The following FHIT variants were observed in gnomAD, a reference collection of about 807,000 sequenced individuals.
The protein encoded by FHIT is bis(5'-adenosyl)-triphosphatase.
In FHIT, 19 loss-of-function variants were observed where a neutral mutation model predicts 17.9. That is an observed-to-expected ratio of 1.06 (90% confidence interval 0.74 to 1.56). The LOEUF (loss-of-function observed/expected upper bound fraction) is 1.56. Among genes scored for constraint, FHIT ranks in the 40% most tolerant of loss-of-function variants. The pLI is 0.00. For missense variants in FHIT, 248 were observed against 189.2 expected, an observed-to-expected ratio of 1.31 and a Z score of -1.82; for synonymous variants, 81 against 69.7, an observed-to-expected ratio of 1.16 and a Z score of -0.81.
intron 4 of FHIT, among the ~76,000 whole-genome samples, chr3:60,634,366 A>T (rs1553683243): frequency 6.6e-6 from 1 of 152,218 alleles, no homozygotes; most frequent in Non-Finnish European, 1.5e-5. Context: ...TACATAAATT[A>T]GCCAGGAGCA....
intron 3 of FHIT, among the ~76,000 whole-genome samples, chr3:60,994,150 C>T (rs2030481302): frequency 6.6e-6 from 1 of 152,088 alleles, no homozygotes; most frequent in Middle Eastern, 3.2e-3. Context: ...GTTACTTCTT[C>T]CATTGAACTT....
At chr3:60,383,122 G>A (rs1700873394) in intron 5 of FHIT, among the ~76,000 whole-genome samples, 1 of 152,152 alleles carries the variant, frequency 6.6e-6, no homozygotes, top group Admixed American at 6.5e-5. Context: ...ATTGAAAACA[G>A]AGCGACAGAA....
chr3:60,998,835 G>C (rs2030859332), intron 3 of FHIT, among the ~76,000 whole-genome samples: 1 of 151,768 alleles, frequency 6.6e-6, no homozygotes. Context: ...TTTTTAAAAA[G>C]AGAAGGTAGA....
intron 3 of FHIT, among the ~76,000 whole-genome samples, chr3:60,837,135 T>G (rs1702567500): frequency 6.6e-6 from 1 of 152,108 alleles, no homozygotes; most frequent in Admixed American, 6.6e-5. Flanking sequence ...CCCCTGGAAC[T>G]TCTAAGAAGG....
At chr3:61,101,647 G>C (rs1202807774) in intron 2 of FHIT, among the ~76,000 whole-genome samples, 6 of 152,092 alleles carry the variant, frequency 3.9e-5, no homozygotes, top group African/African-American at 1.4e-4. Flanking sequence ...CTTTGGGCAG[G>C]ATGGGCATTT....
intron 5 of FHIT, among the ~76,000 whole-genome samples, chr3:60,156,086 G>C (rs1389770573): frequency 6.6e-6 from 1 of 152,164 alleles, no homozygotes; most frequent in African/African-American, 2.4e-5. Flanking sequence ...GGGTGTGGGG[G>C]CTCATGCCTG....
intron 5 of FHIT, among the ~76,000 whole-genome samples, chr3:60,167,749 T>C (rs1228023879): frequency 1.3e-5 from 2 of 152,176 alleles, no homozygotes; most frequent in Non-Finnish European, 2.9e-5. Context: ...AAATTAAAAT[T>C]TGTGGCAGGG....
At chr3:59,845,909 C>T (rs903429252) in intron 8 of FHIT, among the ~76,000 whole-genome samples, 2 of 152,096 alleles carry the variant, frequency 1.3e-5, no homozygotes, top group East Asian at 1.9e-4. Context: ...CAACTCTGCT[C>T]TGTTTTGGTT....
intron 8 of FHIT, among the ~76,000 whole-genome samples, chr3:59,799,572 G>T (rs563224374): frequency 1.4e-4 from 22 of 152,228 alleles, no homozygotes; most frequent in Admixed American, 5.2e-4. Flanking sequence ...AATAAATTGG[G>T]TAAAGAAATA....
intron 5 of FHIT, among the ~76,000 whole-genome samples, chr3:60,169,690 A>G (rs1701333263): frequency 6.6e-6 from 1 of 152,166 alleles, no homozygotes; most frequent in African/African-American, 2.4e-5. Context: ...AGATTCTTCC[A>G]CATCTTCAGG....
chr3:60,035,952 G>C (rs928220703), intron 5 of FHIT, among the ~76,000 whole-genome samples: 2 of 152,196 alleles, frequency 1.3e-5, no homozygotes, highest in Admixed American at 1.3e-4. Flanking sequence ...TCCATGGTGG[G>C]CCAGCAGATC....
chr3:59,966,334 C>T (rs991843478), intron 7 of FHIT, among the ~76,000 whole-genome samples: 7 of 152,200 alleles, frequency 4.6e-5, no homozygotes, highest in African/African-American at 1.7e-4. Context: ...ACCTGTGCAA[C>T]TCACATATGG....
At chr3:60,052,401 C>CA (rs1701917619) in intron 5 of FHIT, among the ~76,000 whole-genome samples, 2 of 152,076 alleles carry the variant, frequency 1.3e-5, no homozygotes, top group South Asian at 4.1e-4. Flanking sequence ...GAATCTTTGG[C>CA]AAATGTACTT....
intron 3 of FHIT, among the ~76,000 whole-genome samples, chr3:60,899,905 T>G (rs544163417): frequency 6.6e-6 from 1 of 152,020 alleles, no homozygotes; most frequent in Admixed American, 6.5e-5. Context: ...TAAAAGCAAA[T>G]CAAACACAGA....
At chr3:60,337,910 C>G (rs1388387489) in intron 5 of FHIT, among the ~76,000 whole-genome samples, 1 of 152,138 alleles carries the variant, frequency 6.6e-6, no homozygotes, top group Non-Finnish European at 1.5e-5. Context: ...GTATGGGCAC[C>G]GAAGTGTATC....
intron 3 of FHIT, among the ~76,000 whole-genome samples, chr3:60,951,450 C>T (rs1385388040): frequency 6.6e-6 from 1 of 152,164 alleles, no homozygotes; most frequent in East Asian, 1.9e-4. Flanking sequence ...AACAATAAGG[C>T]AGCCCATGAC....
At chr3:60,079,831 G>C (rs547997721) in intron 5 of FHIT, among the ~76,000 whole-genome samples, 58 of 152,088 alleles carry the variant, frequency 3.8e-4, no homozygotes, top group African/African-American at 1.4e-3. Context: ...AATGAATGCA[G>C]GGAAGGGGGT....
At chr3:60,164,022 G>A (rs552295549) in intron 5 of FHIT, among the ~76,000 whole-genome samples, 1 of 152,222 alleles carries the variant, frequency 6.6e-6, no homozygotes, top group East Asian at 1.9e-4. Flanking sequence ...CAGTGTTCAG[G>A]GGCATGCCTG....
chr3:60,291,306 T>C (rs1559793956), intron 5 of FHIT, among the ~76,000 whole-genome samples: 1 of 152,138 alleles, frequency 6.6e-6, no homozygotes, highest in Non-Finnish European at 1.5e-5. Flanking sequence ...GCCATTTGTA[T>C]AGGGCATGAA....
Sources: allele counts gnomAD v4.1 joint callset (sites outside exome capture counted in the v4.1 genomes callset), GRCh38; gene constraint gnomAD v4.1.1; transcripts MANE v1.5; gene names NCBI Gene and HGNC (gene_info 2026-07-23, HGNC 2026-07-21).